Variants in ETS1 observed in about 807,000 individuals in gnomAD.
ETS1 encodes protein C-ets-1.
ETS1 carries 15 observed loss-of-function variants against 58.6 expected under a neutral mutation model. That is an observed-to-expected ratio of 0.26 (90% CI 0.17 to 0.39). The LOEUF is 0.39. Among genes scored for constraint, ETS1 ranks in the 10% least tolerant of loss-of-function variants. The probability of loss-of-function intolerance (pLI) is 1.00; values close to 1 mark genes in which losing one functional copy is unlikely to be tolerated. For missense variants in ETS1, 417 were observed against 610.5 expected (o/e 0.68, Z 3.34); for synonymous variants, 214 against 218.2 (o/e 0.98, Z 0.17).
At chr11:128,585,180 A>AGG (rs1864992735) in intron 1 of ETS1, among the ~76,000 whole-genome samples, 1 of 73,828 alleles carries the variant, frequency 1.4e-5, no homozygotes, top group African/African-American at 7.6e-5. Flanking sequence ...GAAAGAAAGA[A>AGG]AGAAAGAAGG....
At chr11:128,510,578 G>A (rs1863365605) in intron 3 of ETS1, among the ~76,000 whole-genome samples, 1 of 152,172 alleles carries the variant, frequency 6.6e-6, no homozygotes, top group Non-Finnish European at 1.5e-5. Flanking sequence ...ATTGGAGGAG[G>A]AGACACACTT....
At chr11:128,560,194 C>A (rs956247549) in intron 2 of ETS1, among the ~76,000 whole-genome samples, 3 of 152,106 alleles carry the variant, frequency 2.0e-5, no homozygotes, top group Admixed American at 1.3e-4. Flanking sequence ...CTCACTGCAA[C>A]CTCCGCCTCC....
At chr11:128,585,469 C>A (rs1051958214) in intron 1 of ETS1, among the ~76,000 whole-genome samples, 1 of 152,152 alleles carries the variant, frequency 6.6e-6, no homozygotes, top group African/African-American at 2.4e-5. Flanking sequence ...GAAAACAGAT[C>A]TATTCACCAA....
chr11:128,574,975 T>A (rs1048696493), intron 1 of ETS1, among the ~76,000 whole-genome samples: 1 of 152,282 alleles, frequency 6.6e-6, no homozygotes, highest in South Asian at 2.1e-4. Flanking sequence ...CTTTTTGGAA[T>A]TCCCCCCAGT....
At chr11:128,528,206 C>A (rs1863836060) in intron 3 of ETS1, among the ~76,000 whole-genome samples, 1 of 152,030 alleles carries the variant, frequency 6.6e-6, no homozygotes, top group African/African-American at 2.4e-5. Flanking sequence ...GTAAAGTATC[C>A]CATACTTTAA....
chr11:128,486,377 G>T (rs774724151), intron 5 of ETS1, among the ~76,000 whole-genome samples: 1 of 152,178 alleles, frequency 6.6e-6, no homozygotes, highest in African/African-American at 2.4e-5. Context: ...ATGGGATTTA[G>T]TATCTTGGAA....
chr11:128,579,102 A>G (rs1864810537), intron 1 of ETS1, among the ~76,000 whole-genome samples: 1 of 152,216 alleles, frequency 6.6e-6, no homozygotes. Context: ...TCTCGTCTTC[A>G]TGTTAGCTTC....
intron 2 of ETS1, among the ~76,000 whole-genome samples, chr11:128,560,107 G>C (rs1481446537): frequency 6.6e-6 from 1 of 152,028 alleles, no homozygotes; most frequent in East Asian, 1.9e-4. Flanking sequence ...ATCAGAGATG[G>C]TCTCCTTTTT....
At chr11:128,493,515 G>A (rs974032244) in intron 3 of ETS1, among the ~76,000 whole-genome samples, 1 of 152,228 alleles carries the variant, frequency 6.6e-6, no homozygotes, top group Non-Finnish European at 1.5e-5. Context: ...CTCTGGCTGT[G>A]AGACTCAAGT....
At position 128,486,121 on chromosome 11, in the gene ETS1, A is replaced by T. The variant is rs749415333; in HGVS notation, c.561T>A (p.Asn187Lys). Residue 187 changes from asparagine (N) to lysine (K), a missense_variant, in exon 6 of 10, where the codon AAT (asparagine) becomes AAA (lysine). Physicochemically the swap from Asn to Lys is moderately conservative, Grantham distance 94. Coordinates refer to ENST00000392668, the MANE Select transcript of ETS1 (RefSeq NM_001143820.2). ...ATTCTGGATAGGCTGGGTTGACTCC[A>T]TTAACTTGATATGGTTTCACATCCT... is the stretch of plus-strand genomic sequence containing the variant. Reference protein sequence around the residue: ...QKEDVKPYQVNGVNPAYPESR... With the variant: ...QKEDVKPYQVKGVNPAYPESR... 1 of 1,610,532 alleles carries T rather than the reference A, an allele frequency of 6.2e-7. No individual in the cohort carries two copies. Among genetic ancestry groups the T allele is most frequent in the Non-Finnish European group, 8.5e-7 (1 of 1,176,746 alleles).
At chr11:128,508,916 C>T (rs1402535179) in intron 3 of ETS1, among the ~76,000 whole-genome samples, 1 of 152,174 alleles carries the variant, frequency 6.6e-6, no homozygotes, top group Non-Finnish European at 1.5e-5. Flanking sequence ...CGAACCAAGG[C>T]AGTCGGGGGC....
intron 4 of ETS1, among the ~76,000 whole-genome samples, 174 bp downstream of exon 4, chr11:128,490,283 C>T (rs57579162): frequency 0.2 from 30,821 of 152,114 alleles, 3,497 homozygotes; most frequent in Admixed American, 0.31. Context: ...GCCCAGGAGA[C>T]GGGGCAGCCT....
At chr11:128,548,062 G>GA (rs199996400) in intron 3 of ETS1, among the ~76,000 whole-genome samples, 2 of 134,462 alleles carry the variant, frequency 1.5e-5, no homozygotes, top group South Asian at 2.5e-4. Context: ...ATTCAATAGG[G>GA]AAAAAAAGAG....
Position 128,576,940 on chromosome 11 carries a change from T to C in ETS1, c.-14-3796A>G, listed in dbSNP as rs186792586. On this transcript the variant is annotated intron_variant, in intron 1 of 9. Transcript: ENST00000392668. ...AGCCACGCTTCACCCCAGCCAGGGT[T>C]AGCGGCTCCTTGTTTATGTTCCCAA... Among the ~76,000 whole-genome samples the C allele has an allele frequency of 1.3e-4, 20 of 152,322 alleles. No homozygotes were observed. The East Asian group carries it at 3.5e-3, about 26-fold the overall frequency.
In ETS1 at chr11:128,462,469, C is replaced by A; in HGVS notation, c.1350G>T (p.Ala450=). The A allele has an allele frequency of 6.2e-7, 1 of 1,614,182 alleles. No individual in the cohort carries two copies. The highest frequency in any genetic ancestry group is 8.5e-7 in the Non-Finnish European group (1 of 1,180,032). The change falls in exon 10 of 10, where the codon GCG becomes GCT. Residue 450 remains alanine (A), a synonymous_variant. Coordinates refer to ENST00000392668, the MANE Select transcript of ETS1 (RefSeq NM_001143820.2). ...YYDKNIIHKT[A]GKRYVYRFVC... is the part of the protein sequence containing the mutation. ...CAAAGCGGTACACGTAGCGTTTCCC[C>A]GCTGTCTTGTGGATGATGTTTTTGT...
At chr11:128,565,263 T>A (rs1463295167) in intron 2 of ETS1, among the ~76,000 whole-genome samples, 3 of 152,200 alleles carry the variant, frequency 2.0e-5, no homozygotes, top group Non-Finnish European at 1.5e-5. Context: ...CTTCCGCCAC[T>A]GAGGACACAG....
Position 128,531,594 on chromosome 11 carries a change from C to T in ETS1, c.214+24697G>A, listed in dbSNP as rs1376827701. Among the ~76,000 whole-genome samples the T allele has an allele frequency of 1.3e-4, 20 of 152,170 alleles. 1 individual carries two copies. Among genetic ancestry groups the T allele is most frequent in the Admixed American group, 1.3e-3 (20 of 15,278 alleles). On this transcript the variant is annotated intron_variant, in intron 3 of 9. Transcript: ENST00000392668. ...ATCATGCAAATCCTTGACACCATCC[C>T]TCTTGGATGAAAGGGGATTAATTCC...
intron 3 of ETS1, among the ~76,000 whole-genome samples, chr11:128,528,273 G>T (rs531644211): frequency 6.6e-6 from 1 of 152,324 alleles, no homozygotes; most frequent in East Asian, 1.9e-4. Flanking sequence ...TCAATGGGAG[G>T]TCCTCATGCT....
At chr11:128,512,459 C>A (rs989501782) in intron 3 of ETS1, among the ~76,000 whole-genome samples, 15 of 152,250 alleles carry the variant, frequency 9.9e-5, no homozygotes, top group African/African-American at 3.6e-4. Flanking sequence ...CTGCGACAGA[C>A]CTTTCTCAAA....
Sources: gnomAD v4.1 joint callset for allele counts (sites outside exome capture counted in the v4.1 genomes callset) on GRCh38, gnomAD v4.1.1 for gene constraint, MANE v1.5 for transcripts, NCBI Gene and HGNC (gene_info 2026-07-23, HGNC 2026-07-21) for gene names.